Variants in ANOS1 observed in about 807,000 individuals in gnomAD.
ANOS1 encodes the protein anosmin 1.
Under a neutral mutation model 59.0 loss-of-function variants are expected in ANOS1, and 6 were observed. The ratio of observed to expected loss-of-function variants is 0.10; its 90% CI spans 0.06 to 0.20. The LOEUF is 0.20. Ranked by LOEUF, ANOS1 falls within the 10% of genes least tolerant of loss-of-function variation. ANOS1 has a pLI of 1.00. For missense variants in ANOS1, 433 were observed against 542.3 expected (o/e 0.80, Z 2.00); for synonymous variants, 217 against 223.4 (o/e 0.97, Z 0.25).
At chrX:8,640,641 T>TC (rs1304544638) in intron 2 of ANOS1, among the ~76,000 whole-genome samples, 1 of 110,424 alleles carries the variant, frequency 9.1e-6, no homozygotes, top group African/African-American at 3.3e-5. Context: ...GTTTTTTTTT[T>TC]CTCTTGTAAT....
At chrX:8,660,120 A>G (rs5934471) in intron 2 of ANOS1, among the ~76,000 whole-genome samples, 50,961 of 109,766 alleles carry the variant, frequency 0.46, 10,870 homozygotes, top group African/African-American at 0.84. Flanking sequence ...AGCATAGAGG[A>G]GAAGGGGCTA....
chrX:8,566,337 A>ATG (rs1930112648), intron 8 of ANOS1: 1 of 580,975 alleles, frequency 1.7e-6, no homozygotes, highest in African/African-American at 3.0e-5. Context: ...GTGTGTGTAT[A>ATG]TATGTGTGTG....
Position 8,529,960 on chromosome X carries a change from C to T in ANOS1, c.*3035G>A, listed in dbSNP as rs1034521997. 1.8e-5 allele frequency: 2 copies of T among 111,866 alleles called. No homozygotes were observed. The highest frequency in any genetic ancestry group is 3.8e-5 in the Non-Finnish European group (2 of 53,239). The allele number at this position is 111,866 out of a possible 1,213,427, so 9.2% of individuals were successfully genotyped here. A position where few individuals can be genotyped will look rare whatever the true frequency, so the allele number is the denominator to read the frequency against. On this transcript the variant is annotated 3_prime_UTR_variant, in exon 14 of 14. Transcript: ENST00000262648. ...TGAGGTTGAGATGAACCTCTGTATA[C>T]AGTCGGCTATGTATCTAAGGTTTTC...
chrX:8,610,006 CAAAAAAAAAAAAAAAAA>C (rs1167209336), intron 3 of ANOS1, among the ~76,000 whole-genome samples: 1 of 9,160 alleles, frequency 1.1e-4, no homozygotes, highest in Admixed American at 2.3e-3. Context: ...GACTCCATCT[CAAAAAAAAAAAAAAAAA>C]AAAAAAAAAA....
At position 8,531,142 on chromosome X, in the gene ANOS1, T is replaced by C. The variant is rs1367972318; in HGVS notation, c.*1853A>G. On this transcript the variant is annotated 3_prime_UTR_variant, in exon 14 of 14. Transcript: ENST00000262648. ...TGAGGTGTCCAATTTATGTTACTTG[T>C]ACAAAGCTGCAAAACATTCCTGGAA... 1 of 108,132 alleles carries C rather than the reference T, an allele frequency of 9.2e-6. No individual in the cohort carries two copies. The highest frequency in any genetic ancestry group is 1.9e-5 in the Non-Finnish European group (1 of 52,216). The allele number at this position is 108,132 out of a possible 1,213,427, so 8.9% of individuals were successfully genotyped here. A position where few individuals can be genotyped will look rare whatever the true frequency, so the allele number is the denominator to read the frequency against.
At chrX:8,557,203 C>A (rs1051024777) in intron 8 of ANOS1, among the ~76,000 whole-genome samples, 14 of 112,167 alleles carry the variant, frequency 1.2e-4, no homozygotes, top group Non-Finnish European at 2.3e-4. Context: ...AAATGTTAGA[C>A]CTAAAACCAT....
At chrX:8,699,292 C>T (rs956698120) in intron 2 of ANOS1, among the ~76,000 whole-genome samples, 1 of 111,819 alleles carries the variant, frequency 8.9e-6, no homozygotes, top group Non-Finnish European at 1.9e-5. Context: ...GCAATTCCTA[C>T]AAAGAAACCA....
chrX:8,698,974 C>A (rs188409099), intron 2 of ANOS1, among the ~76,000 whole-genome samples: 171 of 111,148 alleles, frequency 1.5e-3, no homozygotes, highest in African/African-American at 5.2e-3. Context: ...AAGTAATATC[C>A]ATGAAATGAA....
chrX:8,728,126 A>G (rs1365371347), intron 1 of ANOS1, among the ~76,000 whole-genome samples: 2 of 112,041 alleles, frequency 1.8e-5, no homozygotes, highest in African/African-American at 6.5e-5. Flanking sequence ...TATCCAGCTA[A>G]CCAACAAAAT....
chrX:8,709,554 T>C (rs1052823805), intron 1 of ANOS1, among the ~76,000 whole-genome samples: 2 of 111,918 alleles, frequency 1.8e-5, no homozygotes, highest in African/African-American at 6.5e-5. Context: ...CACAGCTCAC[T>C]GCAACCTTCG....
chrX:8,542,077 G>A (rs1164287290), intron 9 of ANOS1, among the ~76,000 whole-genome samples: 2 of 103,004 alleles, frequency 1.9e-5, no homozygotes, highest in Non-Finnish European at 4.0e-5. Context: ...CCTAAATCTC[G>A]CCATGTCTGA....
At chrX:8,719,829 T>C (rs1057458332) in intron 1 of ANOS1, among the ~76,000 whole-genome samples, 1 of 111,501 alleles carries the variant, frequency 9.0e-6, no homozygotes, top group Non-Finnish European at 1.9e-5. Flanking sequence ...AAAAAAACCT[T>C]ATGAAAATAA....
At chrX:8,618,847 G>T (rs1347403650) in intron 3 of ANOS1, among the ~76,000 whole-genome samples, 1 of 110,252 alleles carries the variant, frequency 9.1e-6, no homozygotes, top group African/African-American at 3.3e-5. Context: ...TGAGGTGGGC[G>T]GATCACCTGA....
At chrX:8,548,429 A>AT (rs759813459) in intron 9 of ANOS1, among the ~76,000 whole-genome samples, 1 of 112,133 alleles carries the variant, frequency 8.9e-6, no homozygotes, top group Non-Finnish European at 1.9e-5. Flanking sequence ...CAAATTCCAT[A>AT]TTTTTGCCAT....
intron 2 of ANOS1, among the ~76,000 whole-genome samples, chrX:8,625,480 C>G (rs1931375454): frequency 8.9e-6 from 1 of 112,221 alleles, no homozygotes; most frequent in Admixed American, 9.4e-5. Flanking sequence ...TACTTTTGCA[C>G]TCTGTTTTCT....
At chrX:8,678,778 G>A (rs1276736775) in intron 2 of ANOS1, among the ~76,000 whole-genome samples, 1 of 111,873 alleles carries the variant, frequency 8.9e-6, no homozygotes, top group Non-Finnish European at 1.9e-5. Flanking sequence ...GCCAATCTTA[G>A]TGCTCAAAGG....
chrX:8,713,156 T>TA (rs1199651697), intron 1 of ANOS1, among the ~76,000 whole-genome samples: 1 of 111,068 alleles, frequency 9.0e-6, no homozygotes, highest in Non-Finnish European at 1.9e-5. Context: ...AGTGAGCCTA[T>TA]AATGATGTTT....
At position 8,656,020 on chromosome X, in the gene ANOS1, C is replaced by A. The variant is rs777814771; in HGVS notation, c.256-32350G>T. Among the ~76,000 whole-genome samples, 10 of 112,020 alleles carry A rather than the reference C, an allele frequency of 8.9e-5. No homozygotes were observed. The East Asian group carries it at 1.1e-3, about 13-fold the overall frequency. The stretch of plus-strand genomic sequence containing the variant: ...GAATCCTAGAATCAATACCCAACAC[C>A]ATTATCACACACACGAGCATTAGGC... On this transcript the variant is annotated intron_variant, in intron 2 of 13. Coordinates refer to ENST00000262648, the MANE Select transcript of ANOS1 (RefSeq NM_000216.4).
intron 2 of ANOS1, among the ~76,000 whole-genome samples, chrX:8,648,501 G>A (rs982251475): frequency 9.3e-6 from 1 of 107,120 alleles, no homozygotes; most frequent in African/African-American, 3.4e-5. Context: ...AAATTATTGT[G>A]TAACTGAGGA....
Sources: gnomAD v4.1 joint callset for allele counts (sites outside exome capture counted in the v4.1 genomes callset) on GRCh38, gnomAD v4.1.1 for gene constraint, MANE v1.5 for transcripts, NCBI Gene and HGNC (gene_info 2026-07-23, HGNC 2026-07-21) for gene names.